HIVEP1: variants seen among roughly 807,000 people sequenced by gnomAD.
HIVEP1 encodes zinc finger protein 40.
A neutral mutation model predicts 180.0 loss-of-function variants in HIVEP1; 36 were observed. The ratio of observed to expected loss-of-function variants is 0.20; its 90% CI spans 0.15 to 0.26. HIVEP1 has a LOEUF of 0.26. HIVEP1 is among the 10% of genes least tolerant of loss of function. The pLI, the probability that HIVEP1 is intolerant of heterozygous loss-of-function variation, is 1.00. For missense variants in HIVEP1, 3,143 were observed against 3,268.7 expected, an observed-to-expected ratio of 0.96 and a Z score of 0.94; for synonymous variants, 1,239 against 1,239.0, an observed-to-expected ratio of 1.00 and a Z score of 0.00.
the HIVEP1 span, among the ~76,000 whole-genome samples, chr6:12,197,143 A>G: frequency 6.6e-6 from 1 of 152,198 alleles, no homozygotes; most frequent in Non-Finnish European, 1.5e-5. Context: ...CTTTAAGAAT[A>G]AGTATGTCTG....
intron 2 of HIVEP1, among the ~76,000 whole-genome samples, chr6:12,083,406 A>G (rs1772917053): frequency 6.6e-6 from 1 of 152,276 alleles, no homozygotes. Context: ...TCGCAATAGC[A>G]GTTCATTTAT....
At chr6:12,146,871 C>T (rs1053083537) in intron 7 of HIVEP1, among the ~76,000 whole-genome samples, 2 of 151,946 alleles carry the variant, frequency 1.3e-5, no homozygotes, top group Non-Finnish European at 2.9e-5. Flanking sequence ...GTGGCATGAG[C>T]CCAAATTTGG....
chr6:12,031,772 G>A (rs546999084), intron 2 of HIVEP1, among the ~76,000 whole-genome samples: 18 of 152,322 alleles, frequency 1.2e-4, no homozygotes, highest in African/African-American at 3.8e-4. Context: ...TGACAGTGGT[G>A]GTTCTTGACA....
At chr6:12,107,918 C>G (rs1038045202) in intron 3 of HIVEP1, among the ~76,000 whole-genome samples, 1 of 152,120 alleles carries the variant, frequency 6.6e-6, no homozygotes, top group African/African-American at 2.4e-5. Flanking sequence ...CAAAGGTTCT[C>G]CACGTCCCCA....
chr6:12,029,405 G>A (rs1581527903), intron 2 of HIVEP1, among the ~76,000 whole-genome samples: 1 of 152,166 alleles, frequency 6.6e-6, no homozygotes, highest in Non-Finnish European at 1.5e-5. Flanking sequence ...TGCCTTTTGG[G>A]TGGGTGTTTA....
chr6:12,013,673 A>T (rs1195959430), intron 1 of HIVEP1, among the ~76,000 whole-genome samples: 1 of 152,272 alleles, frequency 6.6e-6, no homozygotes, highest in African/African-American at 2.4e-5. Flanking sequence ...GCATTCATGC[A>T]ATTTATTTGG....
At chr6:12,129,643 A>G (rs993631128) in intron 4 of HIVEP1, 116 bp from the exon 5 acceptor site, 1 of 814,456 alleles carries the variant, frequency 1.2e-6, no homozygotes, top group Non-Finnish European at 2.1e-6. Flanking sequence ...ACTACTTTGA[A>G]ATGCATTTCG....
At chr6:12,020,890 C>CTTTCTT (rs536583043) in intron 2 of HIVEP1, among the ~76,000 whole-genome samples, 71 of 105,772 alleles carry the variant, frequency 6.7e-4, no homozygotes, top group Middle Eastern at 6.4e-3. Context: ...TTCTTTCTTT[C>CTTTCTT]TTTTTTTTTT....
the HIVEP1 span, among the ~76,000 whole-genome samples, chr6:12,171,261 C>T: frequency 6.6e-6 from 1 of 152,108 alleles, no homozygotes; most frequent in African/African-American, 2.4e-5. Flanking sequence ...CTATGTTGCC[C>T]AGGCTGTTCT....
intron 3 of HIVEP1, among the ~76,000 whole-genome samples, chr6:12,116,708 C>A (rs746200893): frequency 2.6e-5 from 4 of 151,912 alleles, no homozygotes; most frequent in Non-Finnish European, 5.9e-5. Context: ...AGAATGAACA[C>A]AACTCAAAAA....
At chr6:12,194,934 C>A in the HIVEP1 span, among the ~76,000 whole-genome samples, 1 of 152,100 alleles carries the variant, frequency 6.6e-6, no homozygotes, top group Non-Finnish European at 1.5e-5. Context: ...ACAGACACTG[C>A]CAGGGGAAGC....
At chr6:12,040,418 A>G (rs1452374236) in intron 2 of HIVEP1, among the ~76,000 whole-genome samples, 1 of 152,230 alleles carries the variant, frequency 6.6e-6, no homozygotes, top group African/African-American at 2.4e-5. Flanking sequence ...ATAAAGATAC[A>G]GGTAGATTTA....
chr6:12,120,650 T>G lies in HIVEP1; in HGVS notation c.855T>G (p.His285Gln), dbSNP rs1025908148. Residue 285 changes from histidine to glutamine, a missense_variant, in exon 4 of 9, where the codon CAT (histidine) becomes CAG (glutamine). His to Gln is a conservative substitution (Grantham distance 24). Coordinates refer to ENST00000379388, the MANE Select transcript of HIVEP1 (RefSeq NM_002114.4). ...GAMQSASHLYHQHEHFVPKSN... is the reference protein window; with the variant it reads ...GAMQSASHLYQQHEHFVPKSN... ...TGCAGTCAGCTTCTCATTTGTATCA[T>G]CAACATGAACACTTTGTTCCCAAAT... 6.2e-7 allele frequency: 1 copy of G among 1,614,208 alleles called. No homozygotes were observed. Among genetic ancestry groups the G allele is most frequent in the Admixed American group, 1.7e-5 (1 of 60,026 alleles).
chr6:12,037,848 C>A, intron 2 of HIVEP1: 1 of 410,778 alleles, frequency 2.4e-6, no homozygotes, highest in East Asian at 3.5e-5. Flanking sequence ...ATAGCTTGGA[C>A]TACAGGCACA....
chr6:12,138,035 C>T (rs1229383817), intron 7 of HIVEP1, among the ~76,000 whole-genome samples: 1 of 152,202 alleles, frequency 6.6e-6, no homozygotes, highest in Non-Finnish European at 1.5e-5. Flanking sequence ...TTCCGTTACT[C>T]CCCACTCCTT....
At chr6:12,091,221 A>G (rs1266475132) in intron 3 of HIVEP1, among the ~76,000 whole-genome samples, 1 of 152,162 alleles carries the variant, frequency 6.6e-6, no homozygotes, top group Admixed American at 6.5e-5. Flanking sequence ...CCATCAAAGA[A>G]TATACTTTAA....
the HIVEP1 span, among the ~76,000 whole-genome samples, chr6:12,175,025 G>T: frequency 6.6e-6 from 1 of 152,132 alleles, no homozygotes; most frequent in Admixed American, 6.5e-5. Flanking sequence ...TTATTTCAAT[G>T]ACCATAGATT....
chr6:12,119,805 T>C (rs1206080234), intron 3 of HIVEP1, 85 bp from the exon 4 acceptor site: 4 of 841,410 alleles, frequency 4.8e-6, no homozygotes, highest in Non-Finnish European at 5.6e-6. Context: ...AATGTCCTTA[T>C]GATAGTAATC....
Position 12,124,357 on chromosome 6 carries a change from C to T in HIVEP1, c.4562C>T (p.Pro1521Leu), listed in dbSNP as rs201383874. ...DINLLNQIHA[P>L]PSHQSTQLSL... ...AATTTGTTAAATCAAATCCATGCAC[C>T]GCCTAGCCACCAGAGCACACAGCTA... Residue 1521 changes from proline to leucine, a missense_variant, in exon 4 of 9, where the codon CCG (proline) becomes CTG (leucine). Around this residue, in one of 12 missense-constraint regions of HIVEP1, gnomAD observed 1,357 missense variants for 1,260.5 expected, o/e 1.08. Coordinates refer to ENST00000379388, the MANE Select transcript of HIVEP1 (RefSeq NM_002114.4). 3.4e-5 allele frequency: 55 copies of T among 1,613,982 alleles called. No homozygotes were observed. Among genetic ancestry groups the T allele is most frequent in the Admixed American group, 1.3e-4 (8 of 60,016 alleles).
Sources: allele counts gnomAD v4.1 joint callset (sites outside exome capture counted in the v4.1 genomes callset), GRCh38; gene constraint gnomAD v4.1.1; regional missense constraint gnomAD v4.1.1; transcripts MANE v1.5; gene names NCBI Gene and HGNC (gene_info 2026-07-23, HGNC 2026-07-21).